The following ABCA7 variants were observed in gnomAD, a reference collection of about 807,000 sequenced individuals.
ABCA7 encodes phospholipid-transporting ATPase ABCA7.
Under a neutral mutation model 227.6 loss-of-function variants are expected in ABCA7, and 261 were observed. The observed-to-expected ratio is 1.15, with a 90% CI of 1.04 to 1.27. ABCA7 has a LOEUF of 1.27. ABCA7 is among the 50% of genes most tolerant of loss of function. ABCA7 has a pLI of 0.00. For synonymous variants in ABCA7, 1,488 were observed against 1,279.7 expected, an observed-to-expected ratio of 1.16 and a Z score of -3.47; for missense variants, 3,331 against 2,924.5, an observed-to-expected ratio of 1.14 and a Z score of -3.21.
Position 1,047,516 on chromosome 19 carries a change from G to A in ABCA7, c.2131G>A (p.Gly711Ser), listed in dbSNP as rs2040826138. 6.3e-7 allele frequency: 1 copy of A among 1,588,536 alleles called. No homozygotes were observed. Among genetic ancestry groups the A allele is most frequent in the Non-Finnish European group, 8.5e-7 (1 of 1,172,812 alleles). ...GAGCCTGGCTCTGCTGGAGGAGCAG[G>A]GCGAGGGCGCGCAGTGGCACAACGT... ...CESLALLEEQ[G>S]EGAQWHNVGT... The change falls in exon 16 of 47, where the codon GGC becomes AGC. Residue 711 changes from glycine to serine, a missense_variant. Transcript: ENST00000263094.
chr19:1,058,000 C>T lies in ABCA7; in HGVS notation c.4966C>T (p.Leu1656Phe), dbSNP rs1376058025. 3 of 1,614,082 alleles carry T rather than the reference C, an allele frequency of 1.9e-6. No homozygotes were observed. The East Asian group carries it at 6.7e-5, about 36-fold the overall frequency. The change falls in exon 36 of 47, where the codon CTC (leucine) becomes TTC (phenylalanine). Residue 1656 changes from leucine to phenylalanine, a missense_variant. Coordinates refer to ENST00000263094, the MANE Select transcript of ABCA7 (RefSeq NM_019112.4). The part of the protein sequence containing the change: ...TAYVVLTCIN[L>F]FIGINGSMAT... Reference sequence around the variant, plus strand: ...CTATGTGGTGCTCACCTGCATAAACCTCTTTATTGGCATCAATGGAAGCAT... The same window carrying T: ...CTATGTGGTGCTCACCTGCATAAACTTCTTTATTGGCATCAATGGAAGCAT...
At position 1,042,299 on chromosome 19, in the gene ABCA7, T is replaced by TGCG. The variant is rs1315526353; in HGVS notation, c.416-15_416-13dup. On this transcript the variant is annotated splice_polypyrimidine_tract_variant and intron_variant, in intron 5 of 46. Coordinates refer to ENST00000263094, the MANE Select transcript of ABCA7 (RefSeq NM_019112.4). The stretch of plus-strand genomic sequence containing the variant: ...ACGTCCCCCCAGCCCCATGCTCCCG[T>TGCG]GCGCTCCTCCCCCAGCCCAGCCTCA... 1 of 1,575,026 alleles carries TGCG rather than the reference T, an allele frequency of 6.3e-7. No individual in the cohort carries two copies. The highest frequency in any genetic ancestry group is 1.3e-5 in the African/African-American group (1 of 74,556).
rs959580523 is a variant in ABCA7, at chr19:1,042,830, C to A, written c.579+4C>A. On this transcript the variant is annotated splice_donor_region_variant and intron_variant, in intron 7 of 46. Transcript: ENST00000263094. ...CGCTGAGGACCTGGCCCAGGAGGTACGAGGCCCCACTCATCCTCAACCCCC... is the reference window on the plus strand; with the variant it reads ...CGCTGAGGACCTGGCCCAGGAGGTAAGAGGCCCCACTCATCCTCAACCCCC... The A allele has an allele frequency of 1.3e-6, 2 of 1,585,724 alleles. No individual in the cohort carries two copies. The highest frequency in any genetic ancestry group is 2.2e-5 in the South Asian group (2 of 88,986).
At position 1,054,835 on chromosome 19, in the gene ABCA7, G is replaced by A; in HGVS notation, c.3907G>A (p.Glu1303Lys). The change falls in exon 29 of 47, where the codon GAG becomes AAG. Residue 1303 changes from glutamate (E) to lysine (K), a missense_variant. Glu to Lys is a moderately conservative substitution (Grantham distance 56). Coordinates refer to ENST00000263094, the MANE Select transcript of ABCA7 (RefSeq NM_019112.4). The surrounding 1 kb of genome is among the most constrained non-coding windows in gnomAD (Gnocchi z 4.8). ...CCGGCTGCTCGAGGCGCTGCTGCAGGAGGCAGGACTGGAGGAGCCCCCAGT... is the reference window on the plus strand; with the variant it reads ...CCGGCTGCTCGAGGCGCTGCTGCAGAAGGCAGGACTGGAGGAGCCCCCAGT... ...RARLLEALLQ[E>K]AGLEEPPVQH... 3 of 1,570,244 alleles carry A rather than the reference G, an allele frequency of 1.9e-6. No individual in the cohort carries two copies. The highest frequency in any genetic ancestry group is 2.4e-5 in the East Asian group (1 of 42,132).
intron 44 of ABCA7, 110 bp downstream of exon 44, chr19:1,063,973 G>A (rs1019888196): frequency 2.9e-6 from 4 of 1,386,218 alleles, no homozygotes; most frequent in Admixed American, 2.6e-5. Flanking sequence ...CTAGTGGGGC[G>A]AGGGCGCCAG....
chr19:1,049,394 A>G lies in ABCA7; in HGVS notation c.2509A>G (p.Thr837Ala). 3 of 1,608,746 alleles carry G rather than the reference A, an allele frequency of 1.9e-6. No homozygotes were observed. The highest frequency in any genetic ancestry group is 2.2e-5 in the South Asian group (2 of 90,900). ...LSLDFYQGHI[T>A]AFLGHNGAGK... is the part of the protein sequence containing the mutation. ...CCTGGACTTCTACCAGGGCCACATC[A>G]CCGCCTTCCTGGGCCACAACGGGGC... Residue 837 changes from threonine to alanine, a missense_variant, in exon 18 of 47, where the codon ACC becomes GCC. Physicochemically the swap from Thr to Ala is moderately conservative, Grantham distance 58 (BLOSUM62 0). Coordinates refer to ENST00000263094, the MANE Select transcript of ABCA7 (RefSeq NM_019112.4).
Position 1,065,164 on chromosome 19 carries a change from T to C in ABCA7, c.6278T>C (p.Leu2093Pro), listed in dbSNP as rs939024530. Reference sequence around the variant, plus strand: ...GACTTTTCCGTGAGCCAGACGATGCTGGAGGAGGTGATCACGGCGCCGGGG... The same window carrying C: ...GACTTTTCCGTGAGCCAGACGATGCCGGAGGAGGTGATCACGGCGCCGGGG... ...VEDFSVSQTMLEEVFLYFSKD... is the reference protein window; with the variant it reads ...VEDFSVSQTMPEEVFLYFSKD... The change falls in exon 46 of 47, where the codon CTG (leucine) becomes CCG (proline). Residue 2093 changes from leucine to proline, a missense_variant. Transcript: ENST00000263094. 30 of 1,594,342 alleles carry C rather than the reference T, an allele frequency of 1.9e-5. No homozygotes were observed. Among genetic ancestry groups the C allele is most frequent in the Non-Finnish European group, 2.5e-5 (29 of 1,168,362 alleles).
intron 40 of ABCA7, among the ~76,000 whole-genome samples, chr19:1,060,504 C>T (rs1430291711): frequency 6.6e-6 from 1 of 150,864 alleles, no homozygotes; most frequent in Non-Finnish European, 1.5e-5. Flanking sequence ...AGCCACCATG[C>T]CCGGCCTTTG....
In ABCA7 at chr19:1,051,012, C is replaced by T. The variant is rs1235734121; in HGVS notation, c.2644C>T (p.His882Tyr). The stretch of plus-strand genomic sequence containing the variant: ...CTCCAGCATGGCCGCCATCCGGCCC[C>T]ACCTGGGCGTCTGTCCTCAGTACAA... The part of the protein sequence containing the change: ...VRSSMAAIRP[H>Y]LGVCPQYNVL... Residue 882 changes from histidine (H) to tyrosine (Y), a missense_variant, in exon 19 of 47, where the codon CAC (histidine) becomes TAC (tyrosine). Physicochemically the swap from His to Tyr is moderately conservative, Grantham distance 83. Coordinates refer to ENST00000263094, the MANE Select transcript of ABCA7 (RefSeq NM_019112.4). 6.8e-6 allele frequency: 11 copies of T among 1,612,186 alleles called. No homozygotes were observed. The highest frequency in any genetic ancestry group is 1.6e-4 in the Middle Eastern group (1 of 6,082).
At position 1,056,391 on chromosome 19, in the gene ABCA7, C is replaced by T; in HGVS notation, c.4478C>T (p.Ala1493Val). ...MVAFVNRASN[A>V]ILRAHLPPGP... ...GCCTTTGTCAACCGAGCCAGCAACGCAATCCTCCGTGCTCACCTGCCCCCA... is the reference window on the plus strand; with the variant it reads ...GCCTTTGTCAACCGAGCCAGCAACGTAATCCTCCGTGCTCACCTGCCCCCA... Residue 1493 changes from alanine (A) to valine (V), a missense_variant, in exon 33 of 47, where the codon GCA becomes GTA. Coordinates refer to ENST00000263094, the MANE Select transcript of ABCA7 (RefSeq NM_019112.4). The surrounding 1 kb of genome is among the most constrained non-coding windows in gnomAD (Gnocchi z 4.3). The T allele has an allele frequency of 6.2e-7, 1 of 1,613,562 alleles. No homozygotes were observed. The highest frequency in any genetic ancestry group is 8.5e-7 in the Non-Finnish European group (1 of 1,179,978).
chr19:1,063,984 G>GC (rs1282294988), intron 44 of ABCA7, 121 bp downstream of exon 44: 1 of 1,374,716 alleles, frequency 7.3e-7, no homozygotes, highest in African/African-American at 1.5e-5. Context: ...AGGGCGCCAG[G>GC]CCCCGGGGTG....
rs1398216261 is a variant in ABCA7 at position 1,065,374 on chromosome 19, A to G, written c.6390A>G (p.Lys2130=). The change falls in exon 47 of 47, where the codon AAA becomes AAG. Residue 2130 remains lysine (K), a synonymous_variant. Coordinates refer to ENST00000263094, the MANE Select transcript of ABCA7 (RefSeq NM_019112.4). ...CCGCGCCAGGCCTGCAGCACCCCAA[A>G]CGCGTCAGCCAGTTCCTCGATGACC... is the stretch of plus-strand genomic sequence containing the variant. ...VDPAPGLQHP[K]RVSQFLDDPS... is the part of the protein sequence containing the mutation. 3.1e-6 allele frequency: 5 copies of G among 1,613,548 alleles called. No individual in the cohort carries two copies. The Admixed American group carries it at 5.0e-5, about 16-fold the overall frequency.
intron 16 of ABCA7, among the ~76,000 whole-genome samples, 175 bp from the exon 17 acceptor site, chr19:1,048,720 A>C (rs528426027): frequency 1.5e-3 from 225 of 150,146 alleles, no homozygotes; most frequent in Non-Finnish European, 2.5e-3. Flanking sequence ...GAGGCAGGAG[A>C]ATGACGTGAA....
chr19:1,041,994 C>T (rs1171364535), intron 4 of ABCA7, 22 bp downstream of exon 4: 2 of 1,575,988 alleles, frequency 1.3e-6, no homozygotes, highest in South Asian at 2.2e-5. Flanking sequence ...GCAGTGGGTG[C>T]GGCCGGCCTG....
intron 12 of ABCA7, 85 bp from the exon 13 acceptor site, chr19:1,046,145 C>G (rs2040627679): frequency 6.9e-7 from 1 of 1,456,100 alleles, no homozygotes; most frequent in Admixed American, 1.8e-5. Flanking sequence ...AGAGCAAGAC[C>G]CTGTCTAAGA....
intron 42 of ABCA7, among the ~76,000 whole-genome samples, chr19:1,062,910 C>T (rs2042759291): frequency 6.7e-6 from 1 of 150,168 alleles, no homozygotes; most frequent in Non-Finnish European, 1.5e-5. Context: ...CACACCATGG[C>T]CCCGCCCCAT....
At position 1,041,991 on chromosome 19, in the gene ABCA7, G is replaced by C. The variant is rs761317340; in HGVS notation, c.302+19G>C. 9 of 1,577,284 alleles carry C rather than the reference G, an allele frequency of 5.7e-6. No individual in the cohort carries two copies. The Admixed American group carries it at 1.6e-4, about 28-fold the overall frequency. ...ACTCCCTGTGAGCCAGAGGCAGTGG[G>C]TGCGGCCGGCCTGCAAACTCGGGGC... On this transcript the variant is annotated intron_variant, in intron 4 of 46. Coordinates refer to ENST00000263094, the MANE Select transcript of ABCA7 (RefSeq NM_019112.4).
chr19:1,063,548 C>A lies in ABCA7; in HGVS notation c.5717C>A (p.Ala1906Asp), dbSNP rs780068699. 2.5e-6 allele frequency: 4 copies of A among 1,610,502 alleles called. No homozygotes were observed. In the Admixed American group the frequency reaches 5.0e-5, roughly 20 times the overall value. The change falls in exon 43 of 47, where the codon GCT becomes GAT. Residue 1906 changes from alanine (A) to aspartate (D), a missense_variant. Coordinates refer to ENST00000263094, the MANE Select transcript of ABCA7 (RefSeq NM_019112.4). ...TACTCTGGCCCCACCCCACAGACCG[C>A]TGGCTCGGGCCTGGCGCGTCTGGGA... The part of the protein sequence containing the change: ...GVPEAQVAQT[A>D]GSGLARLGLS...
Position 1,041,293 on chromosome 19 carries a change from G to A in ABCA7, c.-69G>A. On this transcript the variant is annotated 5_prime_UTR_variant, in exon 2 of 47. Coordinates refer to ENST00000263094, the MANE Select transcript of ABCA7 (RefSeq NM_019112.4). The stretch of plus-strand genomic sequence containing the variant: ...AGAAAGGGGCAGGGAGTTGCCCGCA[G>A]CCGCACCGCACGTCTTCAGCCCGAC... 1 of 1,513,370 alleles carries A rather than the reference G, an allele frequency of 6.6e-7. No homozygotes were observed. Among genetic ancestry groups the A allele is most frequent in the Non-Finnish European group, 9.2e-7 (1 of 1,090,760 alleles). 93.7% of individuals were successfully genotyped at this position (1,513,370 alleles called of 1,614,324 possible). A position where few individuals can be genotyped will look rare whatever the true frequency, so the allele number is the denominator to read the frequency against.
Sources: gnomAD v4.1 joint callset for allele counts (sites outside exome capture counted in the v4.1 genomes callset) on GRCh38, gnomAD v4.1.1 for gene constraint, Gnocchi (gnomAD v3.1) non-coding constraint, MANE v1.5 for transcripts, NCBI Gene and HGNC (gene_info 2026-07-23, HGNC 2026-07-21) for gene names.